The following IQCH variants were observed in gnomAD, a reference collection of about 807,000 sequenced individuals.
The protein encoded by IQCH is IQ motif containing H.
Under a neutral mutation model 117.0 loss-of-function variants are expected in IQCH, and 98 were observed. That is an observed-to-expected ratio of 0.84 (90% CI 0.71 to 0.99). The LOEUF (loss-of-function observed/expected upper bound fraction) is 0.99, where lower values mean the gene tolerates loss of function less well. Among genes scored for constraint, IQCH ranks in the 50% least tolerant of loss-of-function variants. The pLI is 0.00. For missense variants in IQCH, 1,102 were observed against 1,243.8 expected (o/e 0.89, Z 1.72); for synonymous variants, 412 against 448.2 (o/e 0.92, Z 1.02).
In IQCH at chr15:67,400,230, C is replaced by A; in HGVS notation, c.2022C>A (p.Tyr674Ter). The A allele has an allele frequency of 6.2e-7, 1 of 1,613,522 alleles. No individual in the cohort carries two copies. The highest frequency in any genetic ancestry group is 8.5e-7 in the Non-Finnish European group (1 of 1,179,622). ...CTGCATTTTGTGATATTCCTTCCTA[C>A]CTAAAGTGCTACAAATGGGTGCTAA... The part of the protein sequence containing the change: ...NGTAFCDIPS[Y>*]LKCYKWVLKE... Residue 674 changes from tyrosine (Y) to a stop codon, truncating the protein, a stop_gained, in exon 14 of 21, where the codon TAC becomes TAA. Coordinates refer to ENST00000335894, the MANE Select transcript of IQCH (RefSeq NM_001031715.3). LOFTEE classifies it high-confidence loss of function.
rs1970437488 is a variant in IQCH at position 67,369,239 on chromosome 15, A to G, written c.754-2872A>G. ...CGATTACACTTTGCAAACAAAGAAC[A>G]TTTCCCAGCTAATTAGTTAGAGCAA... On this transcript the variant is annotated intron_variant, in intron 8 of 20. Transcript: ENST00000335894. The surrounding 1 kb of genome is among the most constrained non-coding windows in gnomAD (Gnocchi z 5.2). Among the ~76,000 whole-genome samples, 1 of 152,200 alleles carries G rather than the reference A, an allele frequency of 6.6e-6. No homozygotes were observed. The highest frequency in any genetic ancestry group is 1.5e-5 in the Non-Finnish European group (1 of 68,042).
intron 13 of IQCH, among the ~76,000 whole-genome samples, chr15:67,398,110 C>T (rs1241202169): frequency 2.0e-5 from 3 of 152,018 alleles, no homozygotes; most frequent in South Asian, 2.1e-4. Flanking sequence ...TCAGAAGCAA[C>T]AAATAATAGG....
At chr15:67,489,325 G>A (rs1269170226) in intron 18 of IQCH, among the ~76,000 whole-genome samples, 2 of 149,868 alleles carry the variant, frequency 1.3e-5, no homozygotes, top group Admixed American at 1.3e-4. Flanking sequence ...GAGCCACCGC[G>A]CCCGGCCAAT....
In IQCH at chr15:67,417,556, A is replaced by G. The variant is rs577343608; in HGVS notation, c.2218+505A>G. 6.6e-6 allele frequency among the ~76,000 whole-genome samples: 1 copy of G among 152,310 alleles called. No individual in the cohort carries two copies. Among genetic ancestry groups the G allele is most frequent in the East Asian group, 1.9e-4 (1 of 5,192 alleles). On this transcript the variant is annotated intron_variant, in intron 15 of 20. Transcript: ENST00000335894. This position sits in a 1 kb window ranked among gnomAD's most constrained non-coding sequence, Gnocchi z 4.3. ...AATGGTCTCGCTTCCAGTTCTGAAT[A>G]TAGCATTTCCAAACAAGGGTTTTCT...
Position 67,372,556 on chromosome 15 carries a change from G to T in IQCH, c.1199G>T (p.Gly400Val). The T allele has an allele frequency of 6.2e-7, 1 of 1,613,964 alleles. No individual in the cohort carries two copies. The highest frequency in any genetic ancestry group is 8.5e-7 in the Non-Finnish European group (1 of 1,179,930). The stretch of plus-strand genomic sequence containing the variant: ...TATCGCCAGCAGAAGTGGGCATCAG[G>T]TGTGATTGCCATTGCTTGGCTGTTA... ...LFYRQQKWAS[G>V]VIAIAWLLYC... Residue 400 changes from glycine (G) to valine (V), a missense_variant, in exon 9 of 21, where the codon GGT becomes GTT. Gly to Val is a moderately radical substitution (Grantham distance 109). Transcript: ENST00000335894.
At chr15:67,389,162 A>G (rs2140840346) in intron 12 of IQCH, among the ~76,000 whole-genome samples, 156 bp downstream of exon 12, 1 of 152,356 alleles carries the variant, frequency 6.6e-6, no homozygotes, top group Admixed American at 6.5e-5. Flanking sequence ...TAGGAAATAA[A>G]TATTCCAGTT....
chr15:67,311,061 A>G (rs1967570267), intron 4 of IQCH, among the ~76,000 whole-genome samples: 1 of 152,070 alleles, frequency 6.6e-6, no homozygotes, highest in East Asian at 1.9e-4. Flanking sequence ...TGCCATTTTT[A>G]TAATCATTTT....
chr15:67,381,787 C>A lies in IQCH; in HGVS notation c.1373-3149C>A, dbSNP rs1304820003. 2.0e-5 allele frequency among the ~76,000 whole-genome samples: 3 copies of A among 151,832 alleles called. No individual in the cohort carries two copies. Among genetic ancestry groups the A allele is most frequent in the African/African-American group, 7.3e-5 (3 of 41,318 alleles). ...CTTTAGCCCAGGAATTTGAGATCAG[C>A]CTGGGCAACATGGCGAAACCCTGGC... On this transcript the variant is annotated intron_variant, in intron 10 of 20. Transcript: ENST00000335894. This position sits in a 1 kb window ranked among gnomAD's most constrained non-coding sequence, Gnocchi z 5.1.
rs914585651 is a variant in IQCH at position 67,385,659 on chromosome 15, A to G, written c.1456+640A>G. On this transcript the variant is annotated intron_variant, in intron 11 of 20. Transcript: ENST00000335894. This position sits in a 1 kb window ranked among gnomAD's most constrained non-coding sequence, Gnocchi z 4.6. ...CAGGAGAGAAGGATGCCTGAATGTG[A>G]TAGCTTTGGTTGACACTGTTCAAGG... is the stretch of plus-strand genomic sequence containing the variant. Among the ~76,000 whole-genome samples, 3 of 152,146 alleles carry G rather than the reference A, an allele frequency of 2.0e-5. No individual in the cohort carries two copies. The highest frequency in any genetic ancestry group is 7.2e-5 in the African/African-American group (3 of 41,446).
intron 3 of IQCH, among the ~76,000 whole-genome samples, chr15:67,273,135 A>G (rs532330910): frequency 1.3e-5 from 2 of 152,152 alleles, no homozygotes; most frequent in East Asian, 3.9e-4. Flanking sequence ...CAGTGTTGCA[A>G]TCTCGGCTCA....
At position 67,417,881 on chromosome 15, in the gene IQCH, A is replaced by C. The variant is rs2081616988; in HGVS notation, c.2218+830A>C. 1.3e-5 allele frequency among the ~76,000 whole-genome samples: 2 copies of C among 152,204 alleles called. No individual in the cohort carries two copies. Among genetic ancestry groups the C allele is most frequent in the South Asian group, 2.1e-4 (1 of 4,824 alleles). ...TCCACTGCTGTCAAGTGATAATAATAATCTCAGCAATAATCAATAATGATA... is the reference window on the plus strand; with the variant it reads ...TCCACTGCTGTCAAGTGATAATAATCATCTCAGCAATAATCAATAATGATA... On this transcript the variant is annotated intron_variant, in intron 15 of 20. Transcript: ENST00000335894. This position sits in a 1 kb window ranked among gnomAD's most constrained non-coding sequence, Gnocchi z 4.3.
rs1270121207 is a variant in IQCH at position 67,390,499 on chromosome 15, T to C, written c.1632+1493T>C. Among the ~76,000 whole-genome samples the C allele has an allele frequency of 6.6e-6, 1 of 151,028 alleles. No homozygotes were observed. On this transcript the variant is annotated intron_variant, in intron 12 of 20. Coordinates refer to ENST00000335894, the MANE Select transcript of IQCH (RefSeq NM_001031715.3). This position sits in a 1 kb window ranked among gnomAD's most constrained non-coding sequence, Gnocchi z 5.0. ...CTTAGCATACAGTTTCTTTTTTTCT[T>C]TTTTTTTGAGACAGAGTCTCACTCT...
chr15:67,311,275 A>G (rs367594291), intron 4 of IQCH, among the ~76,000 whole-genome samples: 1 of 152,066 alleles, frequency 6.6e-6, no homozygotes, highest in South Asian at 2.1e-4. Flanking sequence ...AAAAATTTCT[A>G]CTATTTTAAA....
intron 10 of IQCH, 166 bp downstream of exon 10, chr15:67,373,599 G>A: frequency 1.5e-6 from 1 of 679,302 alleles, no homozygotes; most frequent in Non-Finnish European, 2.6e-6. Context: ...GCTTGAAACG[G>A]CGTTTAATTT....
At position 67,436,289 on chromosome 15, in the gene IQCH, C is replaced by T. The variant is rs1049304333; in HGVS notation, c.2505+14712C>T. On this transcript the variant is annotated intron_variant, in intron 16 of 20. Coordinates refer to ENST00000335894, the MANE Select transcript of IQCH (RefSeq NM_001031715.3). This position sits in a 1 kb window ranked among gnomAD's most constrained non-coding sequence, Gnocchi z 5.1. ...AAGGGAGACCCTCCTCTCTCAAACACACACCCCCGCACTGGAGAAGCTGAA... is the reference window on the plus strand; with the variant it reads ...AAGGGAGACCCTCCTCTCTCAAACATACACCCCCGCACTGGAGAAGCTGAA... 2.6e-5 allele frequency among the ~76,000 whole-genome samples: 4 copies of T among 152,214 alleles called. No individual in the cohort carries two copies. Among genetic ancestry groups the T allele is most frequent in the Admixed American group, 2.6e-4 (4 of 15,278 alleles).
chr15:67,280,671 CAT>C lies in IQCH; in HGVS notation c.387+1162_387+1163del, dbSNP rs1161950878. Among the ~76,000 whole-genome samples, 4 of 152,056 alleles carry C rather than the reference CAT, an allele frequency of 2.6e-5. No homozygotes were observed. The East Asian group carries it at 7.7e-4, about 29-fold the overall frequency. ...CCATTACATTGGGTTAGGATTTCAA[CAT>C]ATGGGTTTTGGTGGGCGGGGGGAGG... On this transcript the variant is annotated intron_variant, in intron 4 of 20. Transcript: ENST00000335894.
At position 67,298,079 on chromosome 15, in the gene IQCH, C is replaced by T. The variant is rs535404784; in HGVS notation, c.387+18567C>T. On this transcript the variant is annotated intron_variant, in intron 4 of 20. Coordinates refer to ENST00000335894, the MANE Select transcript of IQCH (RefSeq NM_001031715.3). ...ATCCCAGCACTTTGGGAGGCCGAGG[C>T]GGGTGGATCTTCTGAGGTCAGGAGT... 1.2e-4 allele frequency among the ~76,000 whole-genome samples: 19 copies of T among 152,018 alleles called. No individual in the cohort carries two copies. The South Asian group carries it at 2.1e-3, about 17-fold the overall frequency.
At chr15:67,339,890 C>T (rs1199911222) in intron 5 of IQCH, among the ~76,000 whole-genome samples, 3 of 152,092 alleles carry the variant, frequency 2.0e-5, no homozygotes, top group African/African-American at 7.2e-5. Context: ...TATTTGCTAT[C>T]CCAAGACTAG....
rs182231719 is a variant in IQCH, at chr15:67,346,344, T to C, written c.637+2153T>C. Among the ~76,000 whole-genome samples the C allele has an allele frequency of 4.0e-4, 60 of 151,684 alleles. 1 individual carries two copies. The highest frequency in any genetic ancestry group is 3.9e-3 in the Admixed American group (59 of 15,268). ...CCAAAAAAATACTATAGAACAGTGG[T>C]CCCCAACCTTTTTGACACCAGGGAC... On this transcript the variant is annotated intron_variant, in intron 6 of 20. Coordinates refer to ENST00000335894, the MANE Select transcript of IQCH (RefSeq NM_001031715.3).
Sources: allele counts gnomAD v4.1 joint callset (sites outside exome capture counted in the v4.1 genomes callset), GRCh38; gene constraint gnomAD v4.1.1; non-coding constraint Gnocchi (gnomAD v3.1); transcripts MANE v1.5; gene names NCBI Gene and HGNC (gene_info 2026-07-23, HGNC 2026-07-21).